AKAP13: variants seen among roughly 807,000 people sequenced by gnomAD.
AKAP13 encodes the protein A-kinase anchoring protein 13.
A neutral mutation model predicts 264.5 loss-of-function variants in AKAP13; 80 were observed. The observed-to-expected ratio is 0.30, with a 90% CI of 0.25 to 0.36. The LOEUF (loss-of-function observed/expected upper bound fraction) is 0.36, where lower values mean the gene tolerates loss of function less well. AKAP13 is among the 10% of genes least tolerant of loss of function. AKAP13 has a pLI of 1.00. For missense variants in AKAP13, 3,712 were observed against 3,435.2 expected (o/e 1.08, Z -2.01); for synonymous variants, 1,380 against 1,250.2 (o/e 1.10, Z -2.19).
At chr15:85,512,828 T>C (rs1412181123) in intron 2 of AKAP13, among the ~76,000 whole-genome samples, 1 of 80,008 alleles carries the variant, frequency 1.2e-5, no homozygotes, top group Middle Eastern at 7.8e-3. Context: ...TATGTATGTA[T>C]GTATGTATGT....
intron 1 of AKAP13, among the ~76,000 whole-genome samples, chr15:85,445,876 A>G (rs2073881203): frequency 6.6e-6 from 1 of 152,090 alleles, no homozygotes; most frequent in Non-Finnish European, 1.5e-5. Flanking sequence ...TATGGGGTAC[A>G]TGTGATATTT....
chr15:85,518,370 G>C (rs2076685637), intron 2 of AKAP13, among the ~76,000 whole-genome samples: 1 of 152,222 alleles, frequency 6.6e-6, no homozygotes, highest in Non-Finnish European at 1.5e-5. Flanking sequence ...TCAGTGTGCA[G>C]AGAATACTCC....
At chr15:85,460,453 A>T (rs1596252409) in intron 1 of AKAP13, among the ~76,000 whole-genome samples, 1 of 152,218 alleles carries the variant, frequency 6.6e-6, no homozygotes, top group East Asian at 1.9e-4. Context: ...GCCTGGACAG[A>T]AATACCTTCC....
rs1254829255 is a variant in AKAP13, at chr15:85,730,698, A to C, written c.7273A>C (p.Ile2425Leu). 6.2e-7 allele frequency: 1 copy of C among 1,613,318 alleles called. No individual in the cohort carries two copies. Among genetic ancestry groups the C allele is most frequent in the Admixed American group, 1.7e-5 (1 of 60,000 alleles). The change falls in exon 30 of 37, where the codon ATA becomes CTA. Residue 2425 changes from isoleucine (I) to leucine (L), a missense_variant. Physicochemically the swap from Ile to Leu is conservative, Grantham distance 5. This residue lies in a region of AKAP13 where 611 missense variants were observed against 539.3 expected (regional missense o/e 1.13). Transcript: ENST00000394518. ...LKGGPLMKSA[I>L]NEVEILQGLV... is the part of the protein sequence containing the mutation. ...AGGAGGACCTTTAATGAAAAGTGCA[A>C]TAAATGAGGGTAATTAACATTCAGC...
chr15:85,651,592 G>A (rs2082852007), intron 10 of AKAP13: 1 of 152,184 alleles, frequency 6.6e-6, no homozygotes, highest in African/African-American at 2.4e-5. Flanking sequence ...TCTGTGCATT[G>A]TTCCGATTTT....
chr15:85,659,838 A>G (rs976822788), intron 12 of AKAP13, among the ~76,000 whole-genome samples: 5 of 152,186 alleles, frequency 3.3e-5, no homozygotes, highest in Admixed American at 3.3e-4. Flanking sequence ...ACATTACAAC[A>G]GGTATTATAA....
intron 8 of AKAP13, among the ~76,000 whole-genome samples, chr15:85,595,452 A>G (rs1448062821): frequency 6.6e-6 from 1 of 152,204 alleles, no homozygotes; most frequent in African/African-American, 2.4e-5. Flanking sequence ...CAGCATACCT[A>G]GAATCTAGTT....
intron 2 of AKAP13, among the ~76,000 whole-genome samples, chr15:85,520,054 T>C (rs2151149781): frequency 1.3e-5 from 2 of 152,320 alleles, no homozygotes; most frequent in South Asian, 4.1e-4. Flanking sequence ...GCTTTAAACC[T>C]TGATGCTTTG....
chr15:85,669,717 C>T lies in AKAP13; in HGVS notation c.4993-5C>T. On this transcript the variant is annotated splice_region_variant and splice_polypyrimidine_tract_variant and intron_variant, in intron 13 of 36. Transcript: ENST00000394518. ...CAACGTGTTCTTCACTTTTTTACTTCACAGATATGTCACAGATCTAAGCAG... is the reference window on the plus strand; with the variant it reads ...CAACGTGTTCTTCACTTTTTTACTTTACAGATATGTCACAGATCTAAGCAG... 1 of 1,599,032 alleles carries T rather than the reference C, an allele frequency of 6.3e-7. No homozygotes were observed. The highest frequency in any genetic ancestry group is 8.6e-7 in the Non-Finnish European group (1 of 1,166,562).
chr15:85,406,644 G>T lies in AKAP13; in HGVS notation c.-12+25846G>T, dbSNP rs560855752. ...TATACAGCAGTTACTGACCTTTCCAGTCTGAATTCCTATTTAGAAATAAAC... is the reference window on the plus strand; with the variant it reads ...TATACAGCAGTTACTGACCTTTCCATTCTGAATTCCTATTTAGAAATAAAC... On this transcript the variant is annotated intron_variant, in intron 1 of 36. Transcript: ENST00000394518. Among the ~76,000 whole-genome samples, 45 of 151,500 alleles carry T rather than the reference G, an allele frequency of 3.0e-4. 1 individual carries two copies. The highest frequency in any genetic ancestry group is 1.0e-3 in the African/African-American group (42 of 40,930).
chr15:85,573,272 G>A (rs1210079119), intron 5 of AKAP13, among the ~76,000 whole-genome samples: 1 of 152,130 alleles, frequency 6.6e-6, no homozygotes, highest in African/African-American at 2.4e-5. Context: ...GTTTGCTTTG[G>A]TGGGATTATA....
In AKAP13 at chr15:85,670,061, A is replaced by G. The variant is rs536084871; in HGVS notation, c.5101+231A>G. ...CATTAAGTTTATTGTATTTGTGGGC[A>G]TGAATCTGACACACTTTTTAAAATT... On this transcript the variant is annotated intron_variant, in intron 14 of 36. Transcript: ENST00000394518. Among the ~76,000 whole-genome samples, 5 of 152,314 alleles carry G rather than the reference A, an allele frequency of 3.3e-5. No individual in the cohort carries two copies. In the East Asian group the frequency reaches 7.7e-4, roughly 23 times the overall value.
At chr15:85,517,067 A>G (rs1281427512) in intron 2 of AKAP13, among the ~76,000 whole-genome samples, 2 of 152,186 alleles carry the variant, frequency 1.3e-5, no homozygotes, top group Non-Finnish European at 2.9e-5. Flanking sequence ...AAATTTAACA[A>G]TGAGCACTCA....
At chr15:85,710,374 AG>A in intron 18 of AKAP13, 1 of 463,234 alleles carries the variant, frequency 2.2e-6, no homozygotes, top group Non-Finnish European at 3.9e-6. Context: ...CATTCCAGGC[AG>A]GATAGACAGC....
chr15:85,583,857 T>C (rs1217508371), intron 7 of AKAP13, among the ~76,000 whole-genome samples: 1 of 152,190 alleles, frequency 6.6e-6, no homozygotes, highest in Non-Finnish European at 1.5e-5. Context: ...GAAAAATGTA[T>C]GGACTTTCAG....
At position 85,706,302 on chromosome 15, in the gene AKAP13, G is replaced by A. The variant is rs181605597; in HGVS notation, c.5465-1717G>A. 1.6e-4 allele frequency among the ~76,000 whole-genome samples: 25 copies of A among 152,278 alleles called. No homozygotes were observed. The East Asian group carries it at 4.6e-3, about 28-fold the overall frequency. ...TACACCCTGAGTAAGAATAGTGCTCGTGAGGATGGGCAGAAACATGTTTTG... is the reference window on the plus strand; with the variant it reads ...TACACCCTGAGTAAGAATAGTGCTCATGAGGATGGGCAGAAACATGTTTTG... On this transcript the variant is annotated intron_variant, in intron 17 of 36. Coordinates refer to ENST00000394518, the MANE Select transcript of AKAP13 (RefSeq NM_007200.5).
chr15:85,661,038 T>C (rs1306280384), intron 12 of AKAP13, among the ~76,000 whole-genome samples: 1 of 152,204 alleles, frequency 6.6e-6, no homozygotes, highest in African/African-American at 2.4e-5. Context: ...GTGGTTTTAT[T>C]GAGCCGAGTG....
intron 9 of AKAP13, among the ~76,000 whole-genome samples, chr15:85,642,657 C>G (rs1567171194): frequency 6.6e-6 from 1 of 152,214 alleles, no homozygotes; most frequent in Admixed American, 6.5e-5. Context: ...AGCTTTATCT[C>G]ACAGAGCAGA....
intron 6 of AKAP13, among the ~76,000 whole-genome samples, chr15:85,576,579 A>G (rs1209857149): frequency 6.6e-6 from 1 of 152,204 alleles, no homozygotes; most frequent in African/African-American, 2.4e-5. Context: ...TTTATTTCAG[A>G]GCTGATTTGA....
Sources: allele counts gnomAD v4.1 joint callset (sites outside exome capture counted in the v4.1 genomes callset), GRCh38; gene constraint gnomAD v4.1.1; regional missense constraint gnomAD v4.1.1; transcripts MANE v1.5; gene names NCBI Gene and HGNC (gene_info 2026-07-23, HGNC 2026-07-21).